Variants in DHRS7B observed in about 807,000 individuals in gnomAD.
DHRS7B encodes the protein dehydrogenase/reductase 7B.
A neutral mutation model predicts 26.4 loss-of-function variants in DHRS7B; 24 were observed. The observed-to-expected ratio is 0.91, with a 90% CI of 0.66 to 1.28. The LOEUF is 1.28. Among genes scored for constraint, DHRS7B ranks in the 50% most tolerant of loss-of-function variants. The pLI, the probability that DHRS7B is intolerant of heterozygous loss-of-function variation, is 0.00. For missense variants in DHRS7B, 368 were observed against 419.4 expected (o/e 0.88, Z 1.07); for synonymous variants, 142 against 166.4 (o/e 0.85, Z 1.13).
chr17:21,155,372 A>G (rs563910307), intron 1 of DHRS7B, among the ~76,000 whole-genome samples: 1 of 152,378 alleles, frequency 6.6e-6, no homozygotes, highest in South Asian at 2.1e-4. Context: ...ACTACAGAGC[A>G]AGGAAAGTTA....
At chr17:21,188,265 TTC>T (rs1200576422) in intron 5 of DHRS7B, among the ~76,000 whole-genome samples, 2 of 152,084 alleles carry the variant, frequency 1.3e-5, no homozygotes, top group East Asian at 1.9e-4. Flanking sequence ...CTTTATCTTA[TTC>T]TCTCTCTCTG....
chr17:21,136,556 T>G (rs932350613), intron 1 of DHRS7B, among the ~76,000 whole-genome samples: 1 of 148,528 alleles, frequency 6.7e-6, no homozygotes, highest in Non-Finnish European at 1.5e-5. Flanking sequence ...TTTGTTTGTT[T>G]GTTTGTTTGT....
chr17:21,132,540 A>AC (rs1450031578), intron 1 of DHRS7B, among the ~76,000 whole-genome samples: 26 of 145,820 alleles, frequency 1.8e-4, no homozygotes, highest in Admixed American at 4.1e-4. Context: ...CAAAAAAAAA[A>AC]AAAAAAAAAC....
At chr17:21,131,578 C>T (rs1973231213) in intron 1 of DHRS7B, among the ~76,000 whole-genome samples, 2 of 152,210 alleles carry the variant, frequency 1.3e-5, no homozygotes, top group Non-Finnish European at 2.9e-5. Context: ...TGACCTGTAT[C>T]TTATGTGACC....
intron 1 of DHRS7B, chr17:21,127,315 C>T (rs1334892797): frequency 5.5e-6 from 2 of 362,208 alleles, no homozygotes; most frequent in Non-Finnish European, 1.0e-5. Context: ...GGGCTCCTGG[C>T]TTCAACCTGT....
chr17:21,127,206 G>A, intron 1 of DHRS7B: 2 of 511,666 alleles, frequency 3.9e-6, no homozygotes, highest in Non-Finnish European at 6.7e-6. Context: ...AGTGCGTGGC[G>A]GGGAAACCCG....
chr17:21,165,989 T>C (rs1974104257), intron 1 of DHRS7B, among the ~76,000 whole-genome samples: 1 of 150,600 alleles, frequency 6.6e-6, no homozygotes, highest in African/African-American at 2.4e-5. Context: ...CCATAGTAAG[T>C]GCTATAATTG....
intron 1 of DHRS7B, among the ~76,000 whole-genome samples, chr17:21,154,292 A>T (rs1028539571): frequency 5.2e-4 from 79 of 152,274 alleles, no homozygotes; most frequent in African/African-American, 1.8e-3. Flanking sequence ...CCTGGGAGAC[A>T]AGAGCCAAGC....
chr17:21,180,184 C>T (rs1489375686), intron 3 of DHRS7B, among the ~76,000 whole-genome samples: 1 of 151,698 alleles, frequency 6.6e-6, no homozygotes, highest in Non-Finnish European at 1.5e-5. Flanking sequence ...AAGTGATTCT[C>T]CTGCCTCAGC....
At chr17:21,175,380 G>C (rs1220053240) in intron 2 of DHRS7B, among the ~76,000 whole-genome samples, 1 of 152,218 alleles carries the variant, frequency 6.6e-6, no homozygotes, top group Non-Finnish European at 1.5e-5. Context: ...GGAGATGGCA[G>C]CCCTGATCCT....
Position 21,182,373 on chromosome 17 carries a change from C to T in DHRS7B, c.310-1221C>T, listed in dbSNP as rs562330365. On this transcript the variant is annotated intron_variant, in intron 3 of 6. Coordinates refer to ENST00000395511, the MANE Select transcript of DHRS7B (RefSeq NM_015510.5). Reference sequence around the variant, plus strand: ...AAGGGATTCTGCTGCCTCAGCCTCCCGAGTAGCTGGGATTACAGGCATACG... The same window carrying T: ...AAGGGATTCTGCTGCCTCAGCCTCCTGAGTAGCTGGGATTACAGGCATACG... 1.4e-4 allele frequency among the ~76,000 whole-genome samples: 22 copies of T among 152,092 alleles called. 1 individual carries two copies. The highest frequency in any genetic ancestry group is 1.3e-3 in the Admixed American group (20 of 15,270).
At chr17:21,136,004 A>G (rs980006885) in intron 1 of DHRS7B, among the ~76,000 whole-genome samples, 1 of 152,108 alleles carries the variant, frequency 6.6e-6, no homozygotes, top group Non-Finnish European at 1.5e-5. Flanking sequence ...AGTGTTTAAG[A>G]TTTAGCAAGA....
chr17:21,130,391 A>T (rs1439721673), intron 1 of DHRS7B, among the ~76,000 whole-genome samples: 1 of 152,058 alleles, frequency 6.6e-6, no homozygotes, highest in Non-Finnish European at 1.5e-5. Flanking sequence ...TCCACCTCAA[A>T]AAATAAATAA....
At chr17:21,138,097 T>TACACACACACACACACAC (rs1342290821) in intron 1 of DHRS7B, among the ~76,000 whole-genome samples, 18 of 87,586 alleles carry the variant, frequency 2.1e-4, no homozygotes, top group Admixed American at 5.4e-4. Flanking sequence ...TATATATATA[T>TACACACACACACACACAC]ATATACACAC....
At chr17:21,183,564 A>G in intron 3 of DHRS7B, 30 bp from the exon 4 acceptor site, 2 of 1,606,944 alleles carry the variant, frequency 1.2e-6, no homozygotes, top group Non-Finnish European at 1.7e-6. Flanking sequence ...CCACTCAGAA[A>G]GTGAATTTGT....
intron 1 of DHRS7B, among the ~76,000 whole-genome samples, chr17:21,140,479 TACACACACACACACACACACAC>T (rs4020775): frequency 5.6e-4 from 47 of 83,690 alleles, no homozygotes; most frequent in African/African-American, 1.0e-3. Context: ...GCCTTTTAAA[TACACACACACACACACACACAC>T]ACACACACAC....
intron 1 of DHRS7B, among the ~76,000 whole-genome samples, chr17:21,139,545 G>A (rs565639463): frequency 6.6e-6 from 1 of 151,946 alleles, no homozygotes; most frequent in Admixed American, 6.6e-5. Context: ...GTGGTGGCAC[G>A]TGCCTGTAAT....
At chr17:21,186,420 C>T (rs963910946) in intron 5 of DHRS7B, among the ~76,000 whole-genome samples, 1 of 152,188 alleles carries the variant, frequency 6.6e-6, no homozygotes, top group Non-Finnish European at 1.5e-5. Flanking sequence ...CTTCCCTGTC[C>T]CCAAGCCTGG....
intron 5 of DHRS7B, among the ~76,000 whole-genome samples, chr17:21,187,452 C>T (rs1412659271): frequency 8.6e-5 from 13 of 151,720 alleles, no homozygotes; most frequent in Admixed American, 5.2e-4. Context: ...AGTGAAACCC[C>T]GTCTCTACTA....
Sources: allele counts gnomAD v4.1 joint callset (sites outside exome capture counted in the v4.1 genomes callset), GRCh38; gene constraint gnomAD v4.1.1; transcripts MANE v1.5; gene names NCBI Gene and HGNC (gene_info 2026-07-23, HGNC 2026-07-21).